OLA1: variants seen among roughly 807,000 people sequenced by gnomAD.
OLA1 encodes the protein Obg like ATPase 1.
OLA1 carries 14 observed loss-of-function variants against 48.4 expected under a neutral mutation model. The ratio of observed to expected loss-of-function variants is 0.29; its 90% CI spans 0.19 to 0.45. OLA1 has a LOEUF of 0.45. Among genes scored for constraint, OLA1 ranks in the 20% least tolerant of loss-of-function variants. OLA1 has a pLI of 1.00. For missense variants in OLA1, 325 were observed against 467.1 expected (o/e 0.70, Z 2.80); for synonymous variants, 127 against 150.4 (o/e 0.84, Z 1.14).
At chr2:174,197,594 T>C (rs1283325624) in intron 4 of OLA1, among the ~76,000 whole-genome samples, 3 of 152,190 alleles carry the variant, frequency 2.0e-5, no homozygotes, top group Non-Finnish European at 4.4e-5. Flanking sequence ...CCCACTTCCC[T>C]ACCTCTAAAT....
intron 4 of OLA1, among the ~76,000 whole-genome samples, chr2:174,192,065 T>C (rs1338217477): frequency 6.6e-6 from 1 of 152,212 alleles, no homozygotes; most frequent in Non-Finnish European, 1.5e-5. Context: ...TTTCTCTGAC[T>C]TGTGCTAAGG....
At chr2:174,163,287 G>A (rs958578340) in intron 4 of OLA1, among the ~76,000 whole-genome samples, 2 of 152,172 alleles carry the variant, frequency 1.3e-5, no homozygotes, top group Non-Finnish European at 2.9e-5. Context: ...TTAAATGGTA[G>A]TGAAAATAGA....
intron 3 of OLA1, among the ~76,000 whole-genome samples, chr2:174,228,934 G>A (rs572626742): frequency 2.6e-5 from 4 of 152,168 alleles, no homozygotes; most frequent in Non-Finnish European, 5.9e-5. Context: ...CTGAAGTGCA[G>A]TGGCGTAACT....
At chr2:174,220,207 C>T (rs1283453846) in intron 4 of OLA1, among the ~76,000 whole-genome samples, 3 of 152,054 alleles carry the variant, frequency 2.0e-5, no homozygotes, top group African/African-American at 7.2e-5. Context: ...TAATCACATC[C>T]CTAACTATAT....
intron 9 of OLA1, among the ~76,000 whole-genome samples, chr2:174,080,749 G>A (rs542645415): frequency 1.3e-5 from 2 of 151,866 alleles, no homozygotes; most frequent in African/African-American, 4.8e-5. Context: ...AATGTAATCC[G>A]AGCAAAGCAA....
At chr2:174,123,046 C>T in intron 7 of OLA1, 134 bp downstream of exon 7, 1 of 557,436 alleles carries the variant, frequency 1.8e-6, no homozygotes, top group Non-Finnish European at 3.2e-6. Flanking sequence ...ACAGCTTTCT[C>T]ATCCATTTTA....
intron 2 of OLA1, among the ~76,000 whole-genome samples, chr2:174,234,192 G>A (rs1397858388): frequency 1.3e-5 from 2 of 152,100 alleles, no homozygotes; most frequent in Non-Finnish European, 2.9e-5. Context: ...TTCACTTAGT[G>A]AATAGTAGCT....
At position 174,114,172 on chromosome 2, in the gene OLA1, CAAAA is replaced by C. The variant is rs33971592; in HGVS notation, c.728+9004_728+9007del. 3.1e-4 allele frequency among the ~76,000 whole-genome samples: 24 copies of C among 78,184 alleles called. 1 individual carries two copies. Among genetic ancestry groups the C allele is most frequent in the East Asian group, 8.3e-4 (2 of 2,414 alleles). 51.3% of individuals were successfully genotyped at this position (78,184 alleles called of 152,430 possible). On this transcript the variant is annotated intron_variant, in intron 7 of 10. Coordinates refer to ENST00000284719, the MANE Select transcript of OLA1 (RefSeq NM_013341.5). ...TGAAACCCTGTCTCTACTAAAAATA[CAAAA>C]AAAAAAAAAAAAAAAAATTAGCCAG...
intron 4 of OLA1, among the ~76,000 whole-genome samples, chr2:174,150,319 G>A (rs144400934): frequency 1.5e-4 from 23 of 152,230 alleles, no homozygotes; most frequent in Non-Finnish European, 2.8e-4. Flanking sequence ...GTGCTGCCTT[G>A]GGACTCTACA....
At position 174,074,559 on chromosome 2, in the gene OLA1, C is replaced by T. The variant is rs1264858208; in HGVS notation, c.*867G>A. ...AAATCAGTGTAGGAACTTTTATACA[C>T]ATTGCTGAATTGAAGCAAAACATAA... On this transcript the variant is annotated 3_prime_UTR_variant, in exon 11 of 11. Coordinates refer to ENST00000284719, the MANE Select transcript of OLA1 (RefSeq NM_013341.5). 1.3e-5 allele frequency: 2 copies of T among 152,194 alleles called. No homozygotes were observed. The highest frequency in any genetic ancestry group is 2.9e-5 in the Non-Finnish European group (2 of 68,036). 9.4% of individuals were successfully genotyped at this position (152,194 alleles called of 1,614,324 possible).
At chr2:174,206,680 C>A (rs1439166157) in intron 4 of OLA1, among the ~76,000 whole-genome samples, 2 of 152,134 alleles carry the variant, frequency 1.3e-5, no homozygotes, top group African/African-American at 4.8e-5. Flanking sequence ...TAGCTTGATA[C>A]AATATTACAA....
intron 4 of OLA1, among the ~76,000 whole-genome samples, chr2:174,155,434 T>C (rs945805440): frequency 2.0e-5 from 3 of 152,172 alleles, no homozygotes; most frequent in Non-Finnish European, 2.9e-5. Context: ...AGACATTTAG[T>C]GAGCATTTCA....
chr2:174,222,891 C>T, intron 4 of OLA1, 142 bp downstream of exon 4: 1 of 811,382 alleles, frequency 1.2e-6, no homozygotes, highest in Non-Finnish European at 1.9e-6. Flanking sequence ...ACATTAAAGT[C>T]ACAGATTTAC....
chr2:174,091,031 G>C (rs1313054160), intron 7 of OLA1, among the ~76,000 whole-genome samples: 2 of 152,126 alleles, frequency 1.3e-5, no homozygotes, highest in Non-Finnish European at 2.9e-5. Context: ...CTTGAGGTCG[G>C]AGACTGTGGC....
At chr2:174,206,512 G>C (rs1418832803) in intron 4 of OLA1, among the ~76,000 whole-genome samples, 2 of 152,108 alleles carry the variant, frequency 1.3e-5, no homozygotes, top group African/African-American at 4.8e-5. Flanking sequence ...ATTTTGGGCA[G>C]AGAGGACAGG....
At chr2:174,248,278 C>T (rs62174175) in intron 1 of OLA1, 174 bp downstream of exon 1, 7,225 of 153,314 alleles carry the variant, frequency 0.047, 228 homozygotes, top group Non-Finnish European at 0.073. Flanking sequence ...GGCCGATCTC[C>T]CGACGCGCGG....
intron 4 of OLA1, among the ~76,000 whole-genome samples, chr2:174,187,023 C>T (rs1437120393): frequency 6.6e-6 from 1 of 152,156 alleles, no homozygotes. Context: ...ATCAGTATCA[C>T]AGTGAACACA....
chr2:174,198,003 C>T (rs753714844), intron 4 of OLA1, among the ~76,000 whole-genome samples: 21 of 152,186 alleles, frequency 1.4e-4, no homozygotes, highest in Admixed American at 1.0e-3. Flanking sequence ...CTTGCTCTGT[C>T]GCCAGACTGG....
intron 7 of OLA1, among the ~76,000 whole-genome samples, chr2:174,103,315 A>C (rs1251784798): frequency 3.3e-5 from 5 of 152,212 alleles, no homozygotes; most frequent in African/African-American, 1.2e-4. Context: ...TGTGACAGTG[A>C]AATTACATAA....
Sources: allele counts gnomAD v4.1 joint callset (sites outside exome capture counted in the v4.1 genomes callset), GRCh38; gene constraint gnomAD v4.1.1; transcripts MANE v1.5; gene names NCBI Gene and HGNC (gene_info 2026-07-23, HGNC 2026-07-21).